CCM2: variants seen among roughly 807,000 people sequenced by gnomAD.
The protein encoded by CCM2 is cerebral cavernous malformations 2 protein.
CCM2 carries 25 observed loss-of-function variants against 44.9 expected under a neutral mutation model. The observed-to-expected ratio is 0.56, with a 90% CI of 0.41 to 0.78. CCM2 has a LOEUF of 0.78. Ranked by LOEUF, CCM2 falls within the 30% of genes least tolerant of loss-of-function variation. The pLI is 0.00. For synonymous variants in CCM2, 219 were observed against 241.1 expected, an observed-to-expected ratio of 0.91 and a Z score of 0.85; for missense variants, 481 against 580.6, an observed-to-expected ratio of 0.83 and a Z score of 1.76.
intron 2 of CCM2, among the ~76,000 whole-genome samples, chr7:45,059,760 A>T (rs1266466998): frequency 6.6e-6 from 1 of 152,138 alleles, no homozygotes; most frequent in African/African-American, 2.4e-5. Flanking sequence ...GTGTGTATAT[A>T]TATATATTTA....
At position 45,064,532 on chromosome 7, in the gene CCM2, G is replaced by C; in HGVS notation, c.358G>C (p.Val120Leu). 1 of 1,613,712 alleles carries C rather than the reference G, an allele frequency of 6.2e-7. No individual in the cohort carries two copies. Among genetic ancestry groups the C allele is most frequent in the South Asian group, 1.1e-5 (1 of 91,044 alleles). Residue 120 changes from valine to leucine, a missense_variant, in exon 4 of 10, where the codon GTC (valine) becomes CTC (leucine). Val to Leu is a conservative substitution (Grantham distance 32). Coordinates refer to ENST00000258781, the MANE Select transcript of CCM2 (RefSeq NM_031443.4). ...TGTGCTCAGCCTGTCTGCGTACAAC[G>C]TCAAGCTGGCCTGGAGGGACGGGGA... is the stretch of plus-strand genomic sequence containing the variant. Reference protein sequence around the residue: ...DAVLSLSAYNVKLAWRDGEDI... With the variant: ...DAVLSLSAYNLKLAWRDGEDI...
chr7:45,017,058 T>C (rs1187442984), intron 1 of CCM2, among the ~76,000 whole-genome samples: 1 of 152,232 alleles, frequency 6.6e-6, no homozygotes. Flanking sequence ...CGTGAGCCAC[T>C]GCATCTGGCC....
At chr7:45,063,554 C>T (rs1233043978) in intron 2 of CCM2, among the ~76,000 whole-genome samples, 2 of 152,188 alleles carry the variant, frequency 1.3e-5, no homozygotes. Flanking sequence ...GTGCATGATG[C>T]CATTGTTTTC....
intron 1 of CCM2, among the ~76,000 whole-genome samples, chr7:45,003,112 G>A (rs1345066095): frequency 6.6e-6 from 1 of 152,096 alleles, no homozygotes; most frequent in East Asian, 1.9e-4. Context: ...TTTCGCTCTT[G>A]TTGCCCAGGC....
intron 2 of CCM2, chr7:45,043,609 A>G (rs1797614500): frequency 3.1e-6 from 1 of 321,940 alleles, no homozygotes; most frequent in Non-Finnish European, 5.8e-6. Flanking sequence ...AGCCTGGGTG[A>G]TGGGGTGAGA....
intron 1 of CCM2, among the ~76,000 whole-genome samples, chr7:45,018,134 C>T (rs1482208829): frequency 6.6e-6 from 1 of 152,048 alleles, no homozygotes; most frequent in Non-Finnish European, 1.5e-5. Flanking sequence ...ACACACAGTT[C>T]AGGGTTTGTA....
chr7:45,003,105 C>T (rs1012487366), intron 1 of CCM2, among the ~76,000 whole-genome samples: 9 of 152,004 alleles, frequency 5.9e-5, no homozygotes, highest in Non-Finnish European at 7.4e-5. Context: ...GATAGAGTTT[C>T]GCTCTTGTTG....
At chr7:45,000,931 C>A (rs779846283) in intron 1 of CCM2, among the ~76,000 whole-genome samples, 3 of 152,292 alleles carry the variant, frequency 2.0e-5, no homozygotes, top group Middle Eastern at 3.4e-3. Context: ...GCTTTAATTA[C>A]AGTAAAGGGT....
intron 2 of CCM2, among the ~76,000 whole-genome samples, chr7:45,054,269 C>T (rs1194991379): frequency 1.3e-5 from 2 of 152,046 alleles, no homozygotes; most frequent in African/African-American, 2.4e-5. Flanking sequence ...GTGTGGGGGG[C>T]TTCTGTCGTA....
intron 6 of CCM2, chr7:45,071,751 C>T (rs778381027): frequency 6.6e-5 from 30 of 456,674 alleles, no homozygotes; most frequent in South Asian, 4.3e-4. Flanking sequence ...TCTTCACAGC[C>T]AGCCACGTGA....
intron 8 of CCM2, chr7:45,074,067 G>A: frequency 1.8e-6 from 2 of 1,081,416 alleles, no homozygotes; most frequent in Admixed American, 2.5e-5. Flanking sequence ...CTGCCCGGGT[G>A]CCTTGGTCTC....
At chr7:45,074,798 G>A (rs533212698) in intron 9 of CCM2, among the ~76,000 whole-genome samples, 21 of 152,324 alleles carry the variant, frequency 1.4e-4, no homozygotes, top group African/African-American at 5.1e-4. Context: ...AGGACTTCAA[G>A]GCGGAAGGAC....
At chr7:45,001,279 C>G (rs1795615283) in intron 1 of CCM2, among the ~76,000 whole-genome samples, 1 of 152,212 alleles carries the variant, frequency 6.6e-6, no homozygotes, top group African/African-American at 2.4e-5. Flanking sequence ...TCAGGGAGTC[C>G]TGTGGTGCTG....
chr7:45,059,997 G>A (rs904626932), intron 2 of CCM2, among the ~76,000 whole-genome samples: 1 of 152,104 alleles, frequency 6.6e-6, no homozygotes, highest in African/African-American at 2.4e-5. Flanking sequence ...ATGTGTTAGA[G>A]CAATTAAAAT....
chr7:45,076,067 G>GA lies in CCM2; in HGVS notation c.*11dup. ...CCAGGACTCAGCATGATGGACAGTG[G>GA]ATGGGGGGGCACCCACACCTTCCGC... On this transcript the variant is annotated 3_prime_UTR_variant, in exon 10 of 10. Transcript: ENST00000258781. The GA allele has an allele frequency of 6.2e-7, 1 of 1,612,902 alleles. No homozygotes were observed. Among genetic ancestry groups the GA allele is most frequent in the East Asian group, 2.2e-5 (1 of 44,874 alleles).
In CCM2 at chr7:45,027,615, GT is replaced by G. The variant is rs1796748024; in HGVS notation, c.31-10635del. On this transcript the variant is annotated intron_variant, in intron 1 of 9. Transcript: ENST00000258781. Reference sequence around the variant, plus strand: ...AGTGGCTTTGCAGAAGGAAGCTGTGGTTTCTGGTCTTCCTGTTCAGTCATGT... The same window carrying G: ...AGTGGCTTTGCAGAAGGAAGCTGTGGTTCTGGTCTTCCTGTTCAGTCATGT... The G allele has an allele frequency of 1.9e-6, 3 of 1,611,630 alleles. No homozygotes were observed. In the South Asian group the frequency reaches 3.3e-5, roughly 18 times the overall value.
intron 2 of CCM2, among the ~76,000 whole-genome samples, chr7:45,057,768 A>G (rs1475293963): frequency 6.6e-6 from 1 of 152,178 alleles, no homozygotes; most frequent in East Asian, 1.9e-4. Flanking sequence ...GAAGGGTCTT[A>G]CCAGCACTAT....
chr7:45,027,532 C>G, intron 1 of CCM2: 1 of 1,230,890 alleles, frequency 8.1e-7, no homozygotes, highest in Non-Finnish European at 1.1e-6. Flanking sequence ...TTGGATTTTG[C>G]CAACAGTTTC....
chr7:45,064,686 G>A, intron 4 of CCM2, 40 bp downstream of exon 4: 1 of 1,606,322 alleles, frequency 6.2e-7, no homozygotes, highest in East Asian at 2.2e-5. Flanking sequence ...TTGTCCTAAG[G>A]AGTACATGTG....
Sources: gnomAD v4.1 joint callset for allele counts (sites outside exome capture counted in the v4.1 genomes callset) on GRCh38, gnomAD v4.1.1 for gene constraint, MANE v1.5 for transcripts, NCBI Gene and HGNC (gene_info 2026-07-23, HGNC 2026-07-21) for gene names.